BAALC: variants seen among roughly 807,000 people sequenced by gnomAD.
BAALC encodes brain and acute leukemia cytoplasmic protein.
Under a neutral mutation model 15.5 loss-of-function variants are expected in BAALC, and 9 were observed. The ratio of observed to expected loss-of-function variants is 0.58; its 90% CI spans 0.35 to 1.02. The LOEUF (loss-of-function observed/expected upper bound fraction) is 1.02, where lower values mean the gene tolerates loss of function less well. BAALC is among the 50% of genes least tolerant of loss of function. BAALC has a pLI of 0.02. For synonymous variants in BAALC, 80 were observed against 74.6 expected, an observed-to-expected ratio of 1.07 and a Z score of -0.37; for missense variants, 201 against 192.4, an observed-to-expected ratio of 1.04 and a Z score of -0.27.
chr8:103,197,000 G>C (rs1586422104), intron 1 of BAALC, among the ~76,000 whole-genome samples: 1 of 152,320 alleles, frequency 6.6e-6, no homozygotes, highest in East Asian at 1.9e-4. Context: ...GCACTTCAGT[G>C]TGACCTACTT....
chr8:103,171,319 G>C (rs1427600117), intron 1 of BAALC, among the ~76,000 whole-genome samples: 1 of 146,900 alleles, frequency 6.8e-6, no homozygotes, highest in Non-Finnish European at 1.5e-5. Flanking sequence ...AGGAAACAGT[G>C]AGAGAAAGAG....
chr8:103,155,837 G>A (rs113770751), intron 1 of BAALC, among the ~76,000 whole-genome samples: 299 of 152,284 alleles, frequency 2.0e-3, no homozygotes, highest in African/African-American at 6.6e-3. Context: ...GTGAAATTTC[G>A]TGGGTCTGGG....
chr8:103,152,033 T>C (rs1810997627), intron 1 of BAALC, among the ~76,000 whole-genome samples: 1 of 152,118 alleles, frequency 6.6e-6, no homozygotes, highest in Admixed American at 6.5e-5. Flanking sequence ...CTTGAACATC[T>C]GCCATAGCCT....
intron 1 of BAALC, among the ~76,000 whole-genome samples, chr8:103,169,863 A>C (rs1811438778): frequency 6.6e-6 from 1 of 152,142 alleles, no homozygotes; most frequent in African/African-American, 2.4e-5. Context: ...TATTTTGGGG[A>C]GAGGTCCTTG....
intron 1 of BAALC, chr8:103,172,189 T>C (rs1445608992): frequency 6.6e-6 from 1 of 152,188 alleles, no homozygotes; most frequent in Non-Finnish European, 1.5e-5. Context: ...GGGTCCTTTT[T>C]TTTTTACCCC....
chr8:103,169,259 T>C (rs1315952666), intron 1 of BAALC, among the ~76,000 whole-genome samples: 1 of 152,064 alleles, frequency 6.6e-6, no homozygotes, highest in Admixed American at 6.5e-5. Context: ...AAGAACTCTC[T>C]TTTGGTTCTC....
Position 103,228,177 on chromosome 8 carries a change from G to A in BAALC, c.*78G>A, listed in dbSNP as rs953800108. The A allele has an allele frequency of 1.3e-4, 132 of 1,035,546 alleles. No individual in the cohort carries two copies. In the African/African-American group the frequency reaches 1.7e-3, roughly 13 times the overall value. 64.1% of individuals were successfully genotyped at this position (1,035,546 alleles called of 1,614,324 possible). A position where few individuals can be genotyped will look rare whatever the true frequency, so the allele number is the denominator to read the frequency against. On this transcript the variant is annotated 3_prime_UTR_variant, in exon 3 of 3. Transcript: ENST00000309982. The stretch of plus-strand genomic sequence containing the variant: ...CTGGATCCCATCAAAGAACCTTGAA[G>A]AAGTGGCTGCCCCTTGCTGGACCTG...
chr8:103,175,332 A>G (rs1811584440), intron 1 of BAALC, among the ~76,000 whole-genome samples: 1 of 152,234 alleles, frequency 6.6e-6, no homozygotes, highest in Non-Finnish European at 1.5e-5. Flanking sequence ...AATATAAACG[A>G]TTGAAAATGT....
At chr8:103,219,448 T>C (rs1320838456) in intron 2 of BAALC, 6 of 152,370 alleles carry the variant, frequency 3.9e-5, no homozygotes, top group Non-Finnish European at 8.8e-5. Flanking sequence ...GGTTGCCCAG[T>C]TGCTTTTCTA....
At position 103,228,701 on chromosome 8, in the gene BAALC, C is replaced by G. The variant is rs1379930906; in HGVS notation, c.*602C>G. 1 of 152,300 alleles carries G rather than the reference C, an allele frequency of 6.6e-6. No individual in the cohort carries two copies. The highest frequency in any genetic ancestry group is 2.4e-5 in the African/African-American group (1 of 41,442). 9.4% of individuals were successfully genotyped at this position (152,300 alleles called of 1,614,324 possible). A position where few individuals can be genotyped will look rare whatever the true frequency, so the allele number is the denominator to read the frequency against. ...TCGGATCCAGTTTCCCATGCACCAACCCACTGCCCATGGCATGTCTTTGGG... is the reference window on the plus strand; with the variant it reads ...TCGGATCCAGTTTCCCATGCACCAAGCCACTGCCCATGGCATGTCTTTGGG... On this transcript the variant is annotated 3_prime_UTR_variant, in exon 3 of 3. Transcript: ENST00000309982.
chr8:103,229,447 G>C lies in BAALC; in HGVS notation c.*1348G>C, dbSNP rs1454283896. On this transcript the variant is annotated 3_prime_UTR_variant, in exon 3 of 3. Coordinates refer to ENST00000309982, the MANE Select transcript of BAALC (RefSeq NM_024812.3). Reference sequence around the variant, plus strand: ...CGCAACCTCCTTATCTGCTAACTCTGTTATTCTTCAAACACAAGTGGGTAG... The same window carrying C: ...CGCAACCTCCTTATCTGCTAACTCTCTTATTCTTCAAACACAAGTGGGTAG... 1.3e-5 allele frequency: 2 copies of C among 152,184 alleles called. No homozygotes were observed. Among genetic ancestry groups the C allele is most frequent in the Admixed American group, 6.5e-5 (1 of 15,294 alleles). 9.4% of individuals were successfully genotyped at this position (152,184 alleles called of 1,614,324 possible).
At chr8:103,219,187 G>A (rs953973976) in intron 2 of BAALC, among the ~76,000 whole-genome samples, 3 of 152,208 alleles carry the variant, frequency 2.0e-5, no homozygotes, top group African/African-American at 7.2e-5. Context: ...GTAAGACTCG[G>A]TATTCATGTA....
At position 103,165,807 on chromosome 8, in the gene BAALC, T is replaced by A. The variant is rs866276949; in HGVS notation, c.160+24750T>A. The A allele has an allele frequency of 3.7e-4, 57 of 152,346 alleles. 1 individual carries two copies. The highest frequency in any genetic ancestry group is 1.3e-3 in the African/African-American group (52 of 41,586). 9.4% of individuals were successfully genotyped at this position (152,346 alleles called of 1,614,324 possible). A position where few individuals can be genotyped will look rare whatever the true frequency, so the allele number is the denominator to read the frequency against. On this transcript the variant is annotated intron_variant, in intron 1 of 2. Transcript: ENST00000309982. ...CCCCTGCTTGGCAGATGAGCCACAC[T>A]GTTAGTAAGACACTTACCCTCTTTG...
intron 1 of BAALC, among the ~76,000 whole-genome samples, chr8:103,150,797 T>G (rs1228331003): frequency 6.6e-6 from 1 of 152,128 alleles, no homozygotes; most frequent in East Asian, 1.9e-4. Context: ...CCTTCTTCTC[T>G]AAGCCATTAT....
chr8:103,171,453 G>GAAAGAAAGAAAAGA (rs1811492309), intron 1 of BAALC, among the ~76,000 whole-genome samples: 1 of 151,512 alleles, frequency 6.6e-6, no homozygotes, highest in Non-Finnish European at 1.5e-5. Context: ...AAGAAAGTAA[G>GAAAGAAAGAAAAGA]AAAGAAAGAA....
At chr8:103,141,921 C>T (rs1033802133) in intron 1 of BAALC, among the ~76,000 whole-genome samples, 9 of 152,208 alleles carry the variant, frequency 5.9e-5, no homozygotes, top group African/African-American at 2.2e-4. Flanking sequence ...GTAATTATAG[C>T]GCAGAGATGC....
At chr8:103,225,525 G>A (rs1429188209) in intron 2 of BAALC, among the ~76,000 whole-genome samples, 1 of 152,178 alleles carries the variant, frequency 6.6e-6, no homozygotes, top group Non-Finnish European at 1.5e-5. Flanking sequence ...TGGTAATGGA[G>A]GAAGCAGGGC....
intron 1 of BAALC, among the ~76,000 whole-genome samples, chr8:103,141,986 GA>G (rs1420429445): frequency 1.3e-5 from 2 of 152,118 alleles, no homozygotes; most frequent in South Asian, 2.1e-4. Context: ...ACATTAAAAG[GA>G]AAAAATCTCA....
intron 1 of BAALC, among the ~76,000 whole-genome samples, chr8:103,185,270 T>C (rs1379581237): frequency 1.3e-5 from 2 of 152,046 alleles, no homozygotes; most frequent in Non-Finnish European, 2.9e-5. Flanking sequence ...CCGACTCCCA[T>C]CACGGCCCCA....
Sources: gnomAD v4.1 joint callset for allele counts (sites outside exome capture counted in the v4.1 genomes callset) on GRCh38, gnomAD v4.1.1 for gene constraint, MANE v1.5 for transcripts, NCBI Gene and HGNC (gene_info 2026-07-23, HGNC 2026-07-21) for gene names.